FOCAD: variants seen among roughly 807,000 people sequenced by gnomAD.
The protein encoded by FOCAD is focadhesin, also known as KIAA1797.
Under a neutral mutation model 225.6 loss-of-function variants are expected in FOCAD, and 198 were observed. The ratio of observed to expected loss-of-function variants is 0.88; its 90% CI spans 0.78 to 0.99. FOCAD has a LOEUF of 0.99. FOCAD is among the 50% of genes least tolerant of loss of function. The pLI is 0.00. For missense variants in FOCAD, 2,713 were observed against 2,123.6 expected (o/e 1.28, Z -5.46); for synonymous variants, 897 against 755.0 (o/e 1.19, Z -3.08).
chr9:20,739,478 C>G (rs1827425015), intron 4 of FOCAD, among the ~76,000 whole-genome samples: 1 of 152,020 alleles, frequency 6.6e-6, no homozygotes. Flanking sequence ...TGGCACATGC[C>G]TGTAATCCCA....
intron 28 of FOCAD, among the ~76,000 whole-genome samples, chr9:20,943,326 C>T (rs778334893): frequency 5.3e-5 from 8 of 152,110 alleles, no homozygotes; most frequent in South Asian, 2.1e-4. Context: ...AATGGCTGAT[C>T]GTTATGCAAC....
At chr9:20,752,364 G>T (rs908569556) in intron 5 of FOCAD, among the ~76,000 whole-genome samples, 1 of 151,228 alleles carries the variant, frequency 6.6e-6, no homozygotes, top group Non-Finnish European at 1.5e-5. Flanking sequence ...TCCAGTTTCA[G>T]CTTTCTCCAT....
chr9:20,868,044 C>G lies in FOCAD; in HGVS notation c.2190+1032C>G, dbSNP rs558453487. 2.6e-5 allele frequency among the ~76,000 whole-genome samples: 4 copies of G among 152,064 alleles called. No homozygotes were observed. The South Asian group carries it at 6.2e-4, about 24-fold the overall frequency. Reference sequence around the variant, plus strand: ...TGAGGACTTACAAAGATAGATTGACCGCTTGTCATGCAGTGATCACAAATG... The same window carrying G: ...TGAGGACTTACAAAGATAGATTGACGGCTTGTCATGCAGTGATCACAAATG... On this transcript the variant is annotated intron_variant, in intron 18 of 43. Transcript: ENST00000338382.
chr9:20,936,978 A>G (rs1244038778), intron 28 of FOCAD, among the ~76,000 whole-genome samples: 1 of 152,158 alleles, frequency 6.6e-6, no homozygotes, highest in Non-Finnish European at 1.5e-5. Context: ...CCCATTCACA[A>G]TTGCTTCAAA....
At chr9:20,966,525 G>C (rs1173310943) in intron 35 of FOCAD, among the ~76,000 whole-genome samples, 2 of 152,056 alleles carry the variant, frequency 1.3e-5, no homozygotes, top group Non-Finnish European at 2.9e-5. Context: ...CTTCGACAGA[G>C]TCCAATTTAT....
chr9:20,732,809 C>T (rs999137211), intron 4 of FOCAD, among the ~76,000 whole-genome samples: 2 of 151,946 alleles, frequency 1.3e-5, no homozygotes, highest in Non-Finnish European at 1.5e-5. Flanking sequence ...ATGAAGCATT[C>T]GTGGTGTACT....
chr9:20,676,878 G>GA (rs1299766866), intron 2 of FOCAD, among the ~76,000 whole-genome samples: 1 of 151,930 alleles, frequency 6.6e-6, no homozygotes, highest in Non-Finnish European at 1.5e-5. Flanking sequence ...TTAAGAAATA[G>GA]AAAAAAACAA....
In FOCAD at chr9:20,762,552, T is replaced by G. The variant is rs139730557; in HGVS notation, c.495-2317T>G. On this transcript the variant is annotated intron_variant, in intron 6 of 43. Coordinates refer to ENST00000338382, the MANE Select transcript of FOCAD (RefSeq NM_001375567.1). ...AATTAATGAATGAATAAAATTTAATTGGCTTGGTAACTTTTACATTTTTAT... is the reference window on the plus strand; with the variant it reads ...AATTAATGAATGAATAAAATTTAATGGGCTTGGTAACTTTTACATTTTTAT... 2.1e-4 allele frequency among the ~76,000 whole-genome samples: 32 copies of G among 152,358 alleles called. No homozygotes were observed. The East Asian group carries it at 5.4e-3, about 26-fold the overall frequency.
At chr9:20,668,915 G>A (rs1474725288) in intron 2 of FOCAD, among the ~76,000 whole-genome samples, 5 of 152,144 alleles carry the variant, frequency 3.3e-5, no homozygotes, top group African/African-American at 7.2e-5. Flanking sequence ...CACGCTCCCC[G>A]TTTTCTCCTC....
intron 6 of FOCAD, among the ~76,000 whole-genome samples, chr9:20,759,477 A>C (rs960621266): frequency 3.9e-5 from 6 of 152,230 alleles, no homozygotes; most frequent in African/African-American, 1.4e-4. Flanking sequence ...TTCCCTATTT[A>C]ATAAATGGTG....
At chr9:20,732,703 C>A (rs552154584) in intron 4 of FOCAD, among the ~76,000 whole-genome samples, 2 of 152,122 alleles carry the variant, frequency 1.3e-5, no homozygotes, top group East Asian at 3.9e-4. Context: ...ATGGGATACA[C>A]AGAGATTAGG....
At chr9:20,790,866 A>G (rs994448338) in intron 11 of FOCAD, among the ~76,000 whole-genome samples, 2 of 152,204 alleles carry the variant, frequency 1.3e-5, no homozygotes, top group African/African-American at 4.8e-5. Flanking sequence ...TCATGTAAAC[A>G]ACTGCTGATA....
At chr9:20,850,392 T>C (rs1827532750) in intron 15 of FOCAD, among the ~76,000 whole-genome samples, 1 of 151,858 alleles carries the variant, frequency 6.6e-6, no homozygotes, top group African/African-American at 2.4e-5. Flanking sequence ...AGAAAATCTA[T>C]ACAATTTTGG....
chr9:20,831,885 C>A (rs1825529401), intron 15 of FOCAD, among the ~76,000 whole-genome samples: 1 of 152,046 alleles, frequency 6.6e-6, no homozygotes, highest in African/African-American at 2.4e-5. Context: ...CTTTAGGGAA[C>A]CAGCAATCTA....
At chr9:20,974,036 T>C (rs893769135) in intron 35 of FOCAD, among the ~76,000 whole-genome samples, 7 of 135,192 alleles carry the variant, frequency 5.2e-5, no homozygotes, top group African/African-American at 1.1e-4. Context: ...TTCTCCTTTT[T>C]CCTGTGCTTC....
chr9:20,679,965 G>A (rs1364600181), upstream of FOCAD, among the ~76,000 whole-genome samples: 2 of 152,150 alleles, frequency 1.3e-5, no homozygotes, highest in Non-Finnish European at 2.9e-5. Context: ...ATATTCCTCA[G>A]GCTGAAAGTC....
At chr9:20,876,154 C>T (rs1265524345) in intron 19 of FOCAD, among the ~76,000 whole-genome samples, 2 of 152,156 alleles carry the variant, frequency 1.3e-5, no homozygotes, top group African/African-American at 2.4e-5. Context: ...AAAGAGATCA[C>T]CTTTTCTCTT....
intron 2 of FOCAD, among the ~76,000 whole-genome samples, chr9:20,669,525 A>T (rs918675180): frequency 6.6e-6 from 1 of 152,214 alleles, no homozygotes; most frequent in African/African-American, 2.4e-5. Flanking sequence ...TTGTAATCCC[A>T]GCAGTTTGGG....
intron 1 of FOCAD, among the ~76,000 whole-genome samples, 196 bp from the exon 2 acceptor site, chr9:20,715,126 T>A (rs1276752127): frequency 6.6e-6 from 1 of 152,222 alleles, no homozygotes; most frequent in Non-Finnish European, 1.5e-5. Context: ...GCATTTTTAG[T>A]TTATTTATCA....
Sources: allele counts gnomAD v4.1 joint callset (sites outside exome capture counted in the v4.1 genomes callset), GRCh38; gene constraint gnomAD v4.1.1; transcripts MANE v1.5; gene names NCBI Gene and HGNC (gene_info 2026-07-23, HGNC 2026-07-21).